Variants in ANO2 observed in about 807,000 individuals in gnomAD.
The protein encoded by ANO2 is anoctamin 2.
In ANO2, 101 loss-of-function variants were observed where a neutral mutation model predicts 124.2. The ratio of observed to expected loss-of-function variants is 0.81; its 90% confidence interval spans 0.69 to 0.96. The LOEUF is 0.96. Among genes scored for constraint, ANO2 ranks in the 40% least tolerant of loss-of-function variants. ANO2 has a pLI of 0.00. For synonymous variants in ANO2, 486 were observed against 482.5 expected (o/e 1.01, Z -0.09); for missense variants, 1,293 against 1,274.5 (o/e 1.01, Z -0.22).
intron 19 of ANO2, among the ~76,000 whole-genome samples, chr12:5,605,267 T>G (rs879658011): frequency 1.3e-5 from 2 of 152,250 alleles, no homozygotes; most frequent in Admixed American, 1.3e-4. Flanking sequence ...CAGATTCCAC[T>G]GTATTTGAGG....
chr12:5,853,342 TAAA>T (rs35363284), intron 4 of ANO2, among the ~76,000 whole-genome samples: 1 of 145,804 alleles, frequency 6.9e-6, no homozygotes, highest in African/African-American at 2.6e-5. Context: ...TATCCTGGAT[TAAA>T]AAAAAAAAAA....
intron 14 of ANO2, among the ~76,000 whole-genome samples, chr12:5,726,320 C>T (rs963645025): frequency 2.0e-5 from 3 of 152,184 alleles, no homozygotes; most frequent in Middle Eastern, 3.2e-3. Flanking sequence ...CATCACCCCA[C>T]TAAAATTTAC....
At chr12:5,938,433 C>T (rs1942748238) in intron 1 of ANO2, among the ~76,000 whole-genome samples, 1 of 152,160 alleles carries the variant, frequency 6.6e-6, no homozygotes, top group Admixed American at 6.5e-5. Flanking sequence ...AATGTCTATC[C>T]CAGGACCAGT....
At chr12:5,848,066 A>G (rs937669443) in intron 4 of ANO2, among the ~76,000 whole-genome samples, 2 of 152,224 alleles carry the variant, frequency 1.3e-5, no homozygotes, top group African/African-American at 4.8e-5. Flanking sequence ...CTTTAACATT[A>G]CATCCTCAGT....
intron 1 of ANO2, among the ~76,000 whole-genome samples, chr12:5,924,322 A>C (rs1941975094): frequency 1.3e-5 from 2 of 152,212 alleles, no homozygotes; most frequent in Admixed American, 6.5e-5. Flanking sequence ...AGGAAACACA[A>C]CTGTGACCAG....
chr12:5,930,326 C>A (rs1424751283), intron 1 of ANO2, among the ~76,000 whole-genome samples: 1 of 152,062 alleles, frequency 6.6e-6, no homozygotes, highest in Non-Finnish European at 1.5e-5. Flanking sequence ...GTATATCATC[C>A]CCACCCCAAC....
At chr12:5,832,838 T>C (rs1195245104) in intron 4 of ANO2, among the ~76,000 whole-genome samples, 1 of 152,096 alleles carries the variant, frequency 6.6e-6, no homozygotes, top group Non-Finnish European at 1.5e-5. Context: ...TGTAGAGAAA[T>C]AAGTGAGGAG....
intron 3 of ANO2, among the ~76,000 whole-genome samples, chr12:5,860,777 G>A (rs546402277): frequency 3.9e-5 from 6 of 152,192 alleles, no homozygotes; most frequent in Middle Eastern, 3.4e-3. Flanking sequence ...TTTGCAGACC[G>A]CCGTTCCCTT....
At chr12:5,926,136 G>A (rs1458641746) in intron 1 of ANO2, among the ~76,000 whole-genome samples, 1 of 152,214 alleles carries the variant, frequency 6.6e-6, no homozygotes, top group African/African-American at 2.4e-5. Context: ...CAACGAGCTG[G>A]AAATCTAGAA....
chr12:5,644,215 C>A (rs60235134), intron 15 of ANO2, among the ~76,000 whole-genome samples: 1 of 151,992 alleles, frequency 6.6e-6, no homozygotes, highest in Non-Finnish European at 1.5e-5. Context: ...TGAACAAGGC[C>A]CAGTTTTATT....
chr12:5,868,561 T>G (rs968967643), intron 3 of ANO2, among the ~76,000 whole-genome samples: 4 of 152,174 alleles, frequency 2.6e-5, no homozygotes, highest in Admixed American at 2.6e-4. Flanking sequence ...ATTCTGCAGA[T>G]GGTGTCTTCT....
intron 1 of ANO2, among the ~76,000 whole-genome samples, chr12:5,928,139 A>G (rs1270756147): frequency 8.7e-5 from 13 of 148,808 alleles, no homozygotes; most frequent in Non-Finnish European, 1.7e-4. Context: ...TCCAAGAGAG[A>G]CCAGCAGCAG....
intron 20 of ANO2, among the ~76,000 whole-genome samples, chr12:5,588,865 A>T (rs1943251925): frequency 6.6e-6 from 1 of 152,194 alleles, no homozygotes; most frequent in South Asian, 2.1e-4. Flanking sequence ...ATTTCCAGGA[A>T]AAAAGGGAAG....
At chr12:5,601,096 A>G (rs1174551337) in intron 19 of ANO2, among the ~76,000 whole-genome samples, 1 of 152,186 alleles carries the variant, frequency 6.6e-6, no homozygotes, top group Admixed American at 6.5e-5. Context: ...ATCACCAACT[A>G]TATGTCCATG....
chr12:5,831,362 A>G (rs1401603211), intron 5 of ANO2, among the ~76,000 whole-genome samples: 1 of 152,216 alleles, frequency 6.6e-6, no homozygotes, highest in East Asian at 1.9e-4. Context: ...GGACAACAGA[A>G]GTAAAACGAA....
At chr12:5,601,498 T>C (rs572093488) in intron 19 of ANO2, among the ~76,000 whole-genome samples, 6 of 151,998 alleles carry the variant, frequency 3.9e-5, no homozygotes, top group African/African-American at 1.4e-4. Context: ...GTGAGCTGGT[T>C]GTGATCCTGT....
intron 19 of ANO2, among the ~76,000 whole-genome samples, chr12:5,601,273 C>G (rs1943924991): frequency 6.6e-6 from 1 of 152,048 alleles, no homozygotes. Flanking sequence ...CTCTGATAGA[C>G]ATTTATCAAG....
intron 5 of ANO2, among the ~76,000 whole-genome samples, chr12:5,831,828 G>A (rs1035670954): frequency 6.6e-6 from 1 of 152,060 alleles, no homozygotes; most frequent in African/African-American, 2.4e-5. Flanking sequence ...CACCCTCGAT[G>A]GTTGTTTATT....
chr12:5,671,752 G>A (rs1260576375), intron 14 of ANO2, among the ~76,000 whole-genome samples: 1 of 152,188 alleles, frequency 6.6e-6, no homozygotes, highest in Non-Finnish European at 1.5e-5. Flanking sequence ...AAAGCCTAGA[G>A]ATATACTCAG....
Sources: gnomAD v4.1 joint callset for allele counts (sites outside exome capture counted in the v4.1 genomes callset) on GRCh38, gnomAD v4.1.1 for gene constraint, MANE v1.5 for transcripts, NCBI Gene and HGNC (gene_info 2026-07-23, HGNC 2026-07-21) for gene names.